The following KHDC1 variants were observed in gnomAD, a reference collection of about 807,000 sequenced individuals.
The protein encoded by KHDC1 is KH homology domain-containing protein 1.
In KHDC1, 21 loss-of-function variants were observed where a neutral mutation model predicts 24.7. The ratio of observed to expected loss-of-function variants is 0.85; its 90% CI spans 0.60 to 1.23. KHDC1 has a LOEUF of 1.23. Ranked by LOEUF, KHDC1 falls within the 50% of genes most tolerant of loss-of-function variation. KHDC1 has a pLI of 0.00. For missense variants in KHDC1, 274 were observed against 298.5 expected, an observed-to-expected ratio of 0.92 and a Z score of 0.61; for synonymous variants, 98 against 111.7, an observed-to-expected ratio of 0.88 and a Z score of 0.77.
intron 1 of KHDC1, among the ~76,000 whole-genome samples, chr6:73,307,289 G>T (rs866741694): frequency 6.6e-6 from 1 of 151,854 alleles, no homozygotes; most frequent in Non-Finnish European, 1.5e-5. Flanking sequence ...TTAGCCAGGC[G>T]TGATGCCGGG....
chr6:73,292,318 C>A, intron 1 of KHDC1: 1 of 999,832 alleles, frequency 1.0e-6, no homozygotes, highest in Non-Finnish European at 1.6e-6. Flanking sequence ...ACCTGGCGGA[C>A]AAGCATGGTT....
chr6:73,292,372 C>G, intron 1 of KHDC1: 2 of 798,784 alleles, frequency 2.5e-6, no homozygotes, highest in South Asian at 2.7e-5. Context: ...ATGCAAAATT[C>G]CAGTATGAAT....
intron 2 of KHDC1, among the ~76,000 whole-genome samples, chr6:73,271,242 C>G (rs1210672743): frequency 1.3e-5 from 2 of 150,984 alleles, no homozygotes; most frequent in Non-Finnish European, 1.5e-5. Flanking sequence ...GAATCTCACT[C>G]TGACGCCCAG....
At chr6:73,301,503 A>C (rs1362350807) in intron 1 of KHDC1, 1 of 152,214 alleles carries the variant, frequency 6.6e-6, no homozygotes, top group Non-Finnish European at 1.5e-5. Flanking sequence ...CAGTATGGAA[A>C]CACCTTATAA....
chr6:73,279,429 C>T (rs1768309825), intron 2 of KHDC1, among the ~76,000 whole-genome samples: 2 of 151,948 alleles, frequency 1.3e-5, no homozygotes, highest in South Asian at 4.2e-4. Context: ...AAAACCAAGT[C>T]AACTATATGG....
intron 2 of KHDC1, among the ~76,000 whole-genome samples, chr6:73,255,513 C>T (rs1449705832): frequency 4.1e-5 from 6 of 147,720 alleles, no homozygotes; most frequent in Non-Finnish European, 7.5e-5. Context: ...TGAGCCACCA[C>T]ACCTGGCTTT....
intron 2 of KHDC1, among the ~76,000 whole-genome samples, chr6:73,279,278 G>A (rs147824557): frequency 4.3e-4 from 65 of 152,194 alleles, no homozygotes; most frequent in African/African-American, 1.5e-3. Flanking sequence ...GCATAGTGGC[G>A]CACACCTGTA....
At chr6:73,262,080 A>G (rs911357788) in intron 2 of KHDC1, among the ~76,000 whole-genome samples, 2 of 146,772 alleles carry the variant, frequency 1.4e-5, no homozygotes, top group African/African-American at 4.9e-5. Flanking sequence ...GCCCTTCTCA[A>G]AAAAAAAAAA....
chr6:73,301,563 G>C (rs1767876202), intron 1 of KHDC1, among the ~76,000 whole-genome samples: 4 of 152,138 alleles, frequency 2.6e-5, no homozygotes, highest in Admixed American at 2.6e-4. Flanking sequence ...GTTAAATTTA[G>C]AGCAAGTTGC....
intron 2 of KHDC1, among the ~76,000 whole-genome samples, chr6:73,259,443 T>C (rs925004510): frequency 1.3e-5 from 2 of 152,078 alleles, no homozygotes; most frequent in Non-Finnish European, 2.9e-5. Context: ...ACTACAGCCA[T>C]GCACTACCAC....
intron 2 of KHDC1, among the ~76,000 whole-genome samples, chr6:73,259,108 C>G (rs1344562783): frequency 6.6e-6 from 1 of 152,144 alleles, no homozygotes; most frequent in East Asian, 1.9e-4. Flanking sequence ...CAGGGCAATA[C>G]TGGGACCAAC....
intron 2 of KHDC1, among the ~76,000 whole-genome samples, chr6:73,246,256 T>C (rs999158147): frequency 6.6e-6 from 1 of 152,192 alleles, no homozygotes; most frequent in Non-Finnish European, 1.5e-5. Context: ...CTTCACTGAA[T>C]GAAGGAGAAC....
At chr6:73,290,053 T>C (rs1767614801) in intron 2 of KHDC1, among the ~76,000 whole-genome samples, 1 of 142,448 alleles carries the variant, frequency 7.0e-6, no homozygotes, top group Admixed American at 7.1e-5. Flanking sequence ...TGAGCCGAGA[T>C]TGCGCCACTG....
chr6:73,267,069 A>T (rs73460477), intron 2 of KHDC1, among the ~76,000 whole-genome samples: 3,170 of 152,308 alleles, frequency 0.021, 107 homozygotes, highest in African/African-American at 0.072. Flanking sequence ...TTCTCCAAAG[A>T]CGATATACAA....
chr6:73,243,355 T>C (rs1196712827), intron 2 of KHDC1, among the ~76,000 whole-genome samples: 3 of 152,128 alleles, frequency 2.0e-5, no homozygotes, highest in African/African-American at 7.2e-5. Context: ...TTTTTCACTC[T>C]TCAGCCTCAA....
intron 2 of KHDC1, among the ~76,000 whole-genome samples, chr6:73,250,906 C>T (rs1161290796): frequency 6.6e-6 from 1 of 152,180 alleles, no homozygotes; most frequent in African/African-American, 2.4e-5. Flanking sequence ...GTGGTGCAAT[C>T]TTGGCTCACT....
At chr6:73,293,135 C>T (rs549360215) in intron 1 of KHDC1, 46 of 793,198 alleles carry the variant, frequency 5.8e-5, no homozygotes, top group Non-Finnish European at 9.3e-5. Context: ...AATGTACTCT[C>T]ACCCTATCAG....
chr6:73,290,619 A>C, intron 2 of KHDC1: 1 of 511,500 alleles, frequency 2.0e-6, no homozygotes, highest in Non-Finnish European at 3.9e-6. Context: ...GCCATTGAAA[A>C]CCCTGCTGAT....
chr6:73,304,935 C>A (rs1194809406), intron 1 of KHDC1, among the ~76,000 whole-genome samples: 1 of 152,086 alleles, frequency 6.6e-6, no homozygotes, highest in Non-Finnish European at 1.5e-5. Context: ...CATCCCATTC[C>A]AGTATTAAAA....
Sources: gnomAD v4.1 joint callset for allele counts (sites outside exome capture counted in the v4.1 genomes callset) on GRCh38, gnomAD v4.1.1 for gene constraint, MANE v1.5 for transcripts, NCBI Gene and HGNC (gene_info 2026-07-23, HGNC 2026-07-21) for gene names.